The following CARMIL1 variants were observed in gnomAD, a reference collection of about 807,000 sequenced individuals.
CARMIL1 encodes the protein F-actin-uncapping protein LRRC16A.
A neutral mutation model predicts 177.1 loss-of-function variants in CARMIL1; 90 were observed. The observed-to-expected ratio is 0.51, with a 90% CI of 0.43 to 0.61. CARMIL1 has a LOEUF of 0.61. CARMIL1 is among the 20% of genes least tolerant of loss of function. CARMIL1 has a pLI of 0.00. For synonymous variants in CARMIL1, 577 were observed against 606.2 expected, an observed-to-expected ratio of 0.95 and a Z score of 0.71; for missense variants, 1,380 against 1,667.0, an observed-to-expected ratio of 0.83 and a Z score of 3.00.
At position 25,588,537 on chromosome 6, in the gene CARMIL1, T is replaced by A. The variant is rs139012546; in HGVS notation, c.3007-5878T>A. On this transcript the variant is annotated intron_variant, in intron 31 of 36. Transcript: ENST00000329474. ...CTTCACATTCATCTGAATACCACTTTCCAGAACTTGGCCACGTGGCCACCT... is the reference window on the plus strand; with the variant it reads ...CTTCACATTCATCTGAATACCACTTACCAGAACTTGGCCACGTGGCCACCT... 1.6e-3 allele frequency among the ~76,000 whole-genome samples: 239 copies of A among 152,338 alleles called. 11 individuals are homozygous for A. The East Asian group carries it at 0.041, about 26-fold the overall frequency.
intron 2 of CARMIL1, chr6:25,388,050 A>G (rs1454931122): frequency 2.6e-5 from 4 of 152,154 alleles, no homozygotes; most frequent in Non-Finnish European, 5.9e-5. Context: ...AAAAATCCTC[A>G]CTGTTTGAGG....
At chr6:25,555,381 GTATTCATT>G (rs1333800745) in intron 28 of CARMIL1, among the ~76,000 whole-genome samples, 3 of 106,314 alleles carry the variant, frequency 2.8e-5, no homozygotes, top group African/African-American at 8.1e-5. Flanking sequence ...AAGCAATAGA[GTATTCATT>G]CATTCATTCA....
intron 2 of CARMIL1, among the ~76,000 whole-genome samples, chr6:25,415,974 A>AG (rs1450522555): frequency 6.8e-6 from 1 of 147,118 alleles, no homozygotes; most frequent in Non-Finnish European, 1.5e-5. Context: ...TAGCAGAGAG[A>AG]GGGGTCAGAG....
In CARMIL1 at chr6:25,288,173, A is replaced by G. The variant is rs766456064; in HGVS notation, c.138+3264A>G. On this transcript the variant is annotated intron_variant, in intron 2 of 36. Coordinates refer to ENST00000329474, the MANE Select transcript of CARMIL1 (RefSeq NM_017640.6). ...TCACTGGATGAGTAGGAGTTAGCCA[A>G]GCGAAGAGAGTGGAGACATGTTCTG... 1.4e-3 allele frequency among the ~76,000 whole-genome samples: 216 copies of G among 152,214 alleles called. 4 individuals are homozygous for G. Among genetic ancestry groups the G allele is most frequent in the Non-Finnish European group, 2.1e-4 (14 of 68,048 alleles).
chr6:25,536,503 A>G (rs1188866781), intron 24 of CARMIL1, among the ~76,000 whole-genome samples: 1 of 152,104 alleles, frequency 6.6e-6, no homozygotes, highest in Non-Finnish European at 1.5e-5. Context: ...TTTTACAGCA[A>G]TAGGAGCTGT....
chr6:25,390,314 ATATATATTTT>A (rs1165794892), intron 2 of CARMIL1, among the ~76,000 whole-genome samples: 34 of 39,502 alleles, frequency 8.6e-4, no homozygotes, highest in African/African-American at 3.2e-3. Context: ...ATATATATAT[ATATATATTTT>A]TTTTTTTTTT....
intron 2 of CARMIL1, among the ~76,000 whole-genome samples, chr6:25,294,914 T>C (rs1782271147): frequency 6.6e-6 from 1 of 152,202 alleles, no homozygotes; most frequent in Non-Finnish European, 1.5e-5. Flanking sequence ...TCCTGTGGAT[T>C]GTGCCTTTTG....
intron 2 of CARMIL1, among the ~76,000 whole-genome samples, chr6:25,303,598 C>T (rs142278447): frequency 6.6e-6 from 1 of 152,232 alleles, no homozygotes; most frequent in South Asian, 2.1e-4. Context: ...TCACAGGACA[C>T]TGGTGTTCCA....
chr6:25,285,736 G>C (rs757449373), intron 2 of CARMIL1, among the ~76,000 whole-genome samples: 4 of 151,822 alleles, frequency 2.6e-5, no homozygotes, highest in Non-Finnish European at 5.9e-5. Context: ...GTCCTTCCCA[G>C]CTTCAACCAT....
At chr6:25,345,705 C>T (rs1402352986) in intron 2 of CARMIL1, among the ~76,000 whole-genome samples, 1 of 152,222 alleles carries the variant, frequency 6.6e-6, no homozygotes, top group Non-Finnish European at 1.5e-5. Flanking sequence ...CAACCTCCAC[C>T]TCCCAGGTTC....
chr6:25,610,222 C>T, intron 36 of CARMIL1, 41 bp downstream of exon 36: 1 of 1,567,458 alleles, frequency 6.4e-7, no homozygotes, highest in East Asian at 2.3e-5. Context: ...GTTAGCTCTC[C>T]CCAAGGAGGG....
At chr6:25,493,843 G>A (rs1333913713) in intron 15 of CARMIL1, among the ~76,000 whole-genome samples, 1 of 152,170 alleles carries the variant, frequency 6.6e-6, no homozygotes, top group East Asian at 1.9e-4. Flanking sequence ...TTTCTCAGCA[G>A]AAAGTGAACA....
intron 4 of CARMIL1, among the ~76,000 whole-genome samples, chr6:25,427,103 A>G (rs141249413): frequency 7.3e-4 from 111 of 152,318 alleles, no homozygotes; most frequent in African/African-American, 2.6e-3. Flanking sequence ...AAAATTTTAT[A>G]TGAATGATGT....
rs34221543 is a variant in CARMIL1 at position 25,468,201 on chromosome 6, T to TAAA, written c.690+2262_690+2264dup. 2.0e-4 allele frequency among the ~76,000 whole-genome samples: 30 copies of TAAA among 149,592 alleles called. No homozygotes were observed. The South Asian group carries it at 5.1e-3, about 25-fold the overall frequency. On this transcript the variant is annotated intron_variant, in intron 9 of 36. Coordinates refer to ENST00000329474, the MANE Select transcript of CARMIL1 (RefSeq NM_017640.6). ...ATTTCTAATTTGAGTCAAGGATTTT[T>TAAA]AAAAAAAAAAATGGTACCGAATATG...
intron 2 of CARMIL1, among the ~76,000 whole-genome samples, chr6:25,339,030 A>G (rs1786602217): frequency 9.8e-6 from 1 of 102,258 alleles, no homozygotes; most frequent in South Asian, 3.4e-4. Context: ...TTTCCTTTTC[A>G]TGATTTTTTT....
At chr6:25,417,449 G>A (rs761704451) in intron 2 of CARMIL1, among the ~76,000 whole-genome samples, 19 of 152,148 alleles carry the variant, frequency 1.2e-4, no homozygotes, top group Non-Finnish European at 2.4e-4. Context: ...ATTAACTAGT[G>A]CTGATGACAG....
chr6:25,533,636 G>A (rs2151113382), intron 24 of CARMIL1, among the ~76,000 whole-genome samples: 1 of 152,068 alleles, frequency 6.6e-6, no homozygotes, highest in Middle Eastern at 3.4e-3. Context: ...CATTCTGAAT[G>A]TCCTTCTGCC....
chr6:25,350,098 C>T (rs1357825802), intron 2 of CARMIL1, among the ~76,000 whole-genome samples: 2 of 152,184 alleles, frequency 1.3e-5, no homozygotes, highest in South Asian at 2.1e-4. Flanking sequence ...GCCACCTCGC[C>T]TTGTCTGGCC....
Position 25,279,668 on chromosome 6 carries a change from C to A in CARMIL1, c.-128C>A, listed in dbSNP as rs79849694. Reference sequence around the variant, plus strand: ...GCGGCAAAATTCTGTCTCCGCCCCCCCTTTTCTTGCCCACTTCCATTTGCA... The same window carrying A: ...GCGGCAAAATTCTGTCTCCGCCCCCACTTTTCTTGCCCACTTCCATTTGCA... On this transcript the variant is annotated 5_prime_UTR_variant, in exon 1 of 37. Coordinates refer to ENST00000329474, the MANE Select transcript of CARMIL1 (RefSeq NM_017640.6). 4.7e-6 allele frequency: 4 copies of A among 842,882 alleles called. No homozygotes were observed. Among genetic ancestry groups the A allele is most frequent in the Middle Eastern group, 2.2e-4 (1 of 4,458 alleles). The allele number at this position is 842,882 out of a possible 1,614,324, so 52.2% of individuals were successfully genotyped here.
Sources: allele counts gnomAD v4.1 joint callset (sites outside exome capture counted in the v4.1 genomes callset), GRCh38; gene constraint gnomAD v4.1.1; transcripts MANE v1.5; gene names NCBI Gene and HGNC (gene_info 2026-07-23, HGNC 2026-07-21).